The following IQSEC1 variants were observed in gnomAD, a reference collection of about 807,000 sequenced individuals.
IQSEC1 encodes the protein IQ motif and Sec7 domain ArfGEF 1, also known as IQ motif and SEC7 domain-containing protein 1.
Under a neutral mutation model 91.0 loss-of-function variants are expected in IQSEC1, and 31 were observed. That is an observed-to-expected ratio of 0.34 (90% CI 0.26 to 0.46). The LOEUF is 0.46. Among genes scored for constraint, IQSEC1 ranks in the 20% least tolerant of loss-of-function variants. The pLI, the probability that IQSEC1 is intolerant of heterozygous loss-of-function variation, is 1.00. For synonymous variants in IQSEC1, 699 were observed against 662.6 expected (o/e 1.05, Z -0.84); for missense variants, 1,388 against 1,575.6 (o/e 0.88, Z 2.02).
intron 10 of IQSEC1, among the ~76,000 whole-genome samples, chr3:12,910,717 A>G (rs948630850): frequency 6.6e-6 from 1 of 152,216 alleles, no homozygotes. Flanking sequence ...AGAGCCCCAG[A>G]TCCAGGCGCA....
At chr3:13,056,467 T>A (rs989526017) in intron 1 of IQSEC1, among the ~76,000 whole-genome samples, 1 of 152,280 alleles carries the variant, frequency 6.6e-6, no homozygotes, top group East Asian at 1.9e-4. Context: ...TGACAGGATC[T>A]CATTTAATCC....
chr3:13,129,641 G>A (rs949598103), intron 2 of IQSEC1, among the ~76,000 whole-genome samples: 4 of 147,280 alleles, frequency 2.7e-5, no homozygotes, highest in Admixed American at 1.4e-4. Flanking sequence ...TACTGCTTTA[G>A]TAACATCTTA....
chr3:13,067,264 G>A (rs902788015), intron 1 of IQSEC1, among the ~76,000 whole-genome samples: 2 of 152,334 alleles, frequency 1.3e-5, no homozygotes, highest in South Asian at 4.1e-4. Context: ...GAGCGGGAAG[G>A]GCAGACGGGG....
intron 1 of IQSEC1, chr3:13,015,668 C>G: frequency 2.0e-6 from 2 of 985,252 alleles, no homozygotes; most frequent in Non-Finnish European, 2.4e-6. Context: ...GGGTCCATCC[C>G]CACAGCAGGT....
intron 2 of IQSEC1, among the ~76,000 whole-genome samples, chr3:13,099,578 C>G (rs965466447): frequency 2.0e-5 from 3 of 152,116 alleles, no homozygotes; most frequent in African/African-American, 7.2e-5. Context: ...GAAACGCAAG[C>G]CAGAGTGTGC....
intron 1 of IQSEC1, among the ~76,000 whole-genome samples, chr3:12,985,668 G>C (rs1229397501): frequency 1.3e-5 from 2 of 152,196 alleles, no homozygotes; most frequent in African/African-American, 4.8e-5. Flanking sequence ...AGAGTGGGGG[G>C]GGTCACTGGA....
chr3:13,249,870 AC>A (rs1311382711), intron 1 of IQSEC1, among the ~76,000 whole-genome samples: 1 of 151,956 alleles, frequency 6.6e-6, no homozygotes, highest in Middle Eastern at 3.2e-3. Context: ...CCATGTGAAG[AC>A]CCCCACAGGT....
At chr3:13,149,335 G>A (rs1309786614) in intron 2 of IQSEC1, among the ~76,000 whole-genome samples, 1 of 149,746 alleles carries the variant, frequency 6.7e-6, no homozygotes, top group Non-Finnish European at 1.5e-5. Context: ...GTCCTGAAGA[G>A]CAGACCTCCT....
At position 12,901,346 on chromosome 3, in the gene IQSEC1, G is replaced by GGGT; in HGVS notation, c.2979_2981dup (p.Pro995dup). 6.5e-7 allele frequency: 1 copy of GGGT among 1,530,162 alleles called. No homozygotes were observed. Among genetic ancestry groups the GGGT allele is most frequent in the Non-Finnish European group, 8.8e-7 (1 of 1,135,576 alleles). 94.8% of individuals were successfully genotyped at this position (1,530,162 alleles called of 1,614,324 possible). A position where few individuals can be genotyped will look rare whatever the true frequency, so the allele number is the denominator to read the frequency against. On this transcript the variant is annotated inframe_insertion, in exon 14 of 14. Coordinates refer to ENST00000613206, the MANE Select transcript of IQSEC1 (RefSeq NM_001134382.3). ...GAGGCAGGACCACCGGTGGGTGGGG[G>GGGT]GGTGGCAGGGCTGGGGCTGAGGGCA...
At chr3:12,938,652 C>T (rs1288954245) in intron 2 of IQSEC1, among the ~76,000 whole-genome samples, 1 of 152,148 alleles carries the variant, frequency 6.6e-6, no homozygotes, top group Non-Finnish European at 1.5e-5. Flanking sequence ...CCATAAGAGG[C>T]CCAAGGCTGG....
rs1026276745 is a variant in IQSEC1 at position 13,082,416 on chromosome 3, G to A, written c.303-34894C>T. ...GGGGAGGAAGGCGCAGGCCTGGACC[G>A]CTACAATGGCTGGGGTGCTGAAGTC... On this transcript the variant is annotated intron_variant, in intron 2 of 15. Transcript: ENST00000648114. Among the ~76,000 whole-genome samples the A allele has an allele frequency of 3.9e-5, 6 of 152,328 alleles. No homozygotes were observed. The East Asian group carries it at 1.2e-3, about 29-fold the overall frequency.
chr3:13,152,174 C>T (rs1000490992), intron 2 of IQSEC1, among the ~76,000 whole-genome samples: 2 of 152,124 alleles, frequency 1.3e-5, no homozygotes, highest in African/African-American at 2.4e-5. Flanking sequence ...TCTTGGAAAA[C>T]GTATGCGGCA....
chr3:12,924,561 C>T lies in IQSEC1; in HGVS notation c.1730+20G>A, dbSNP rs762946211. 5.8e-6 allele frequency: 9 copies of T among 1,562,622 alleles called. No homozygotes were observed. The highest frequency in any genetic ancestry group is 7.0e-6 in the Non-Finnish European group (8 of 1,147,762). On this transcript the variant is annotated intron_variant, in intron 4 of 13. Coordinates refer to ENST00000613206, the MANE Select transcript of IQSEC1 (RefSeq NM_001134382.3). This position sits in a 1 kb window ranked among gnomAD's most constrained non-coding sequence, Gnocchi z 6.3. ...GCGTGTGTGGAATCAGGTCCCCCAC[C>T]ACCCCCATGCAGAACTTACTCGAGC...
rs1250017866 is a variant in IQSEC1, at chr3:12,983,762, G to T, written c.24-41897C>A. ...TCTCCCCTCTGGACAGCTCCGTGAGGATAAGAATAAGGTTGTCCGACATAC... is the reference window on the plus strand; with the variant it reads ...TCTCCCCTCTGGACAGCTCCGTGAGTATAAGAATAAGGTTGTCCGACATAC... On this transcript the variant is annotated intron_variant, in intron 1 of 13. Transcript: ENST00000613206. The surrounding 1 kb of genome is among the most constrained non-coding windows in gnomAD (Gnocchi z 4.3). 4.6e-5 allele frequency among the ~76,000 whole-genome samples: 7 copies of T among 152,178 alleles called. No homozygotes were observed. Among genetic ancestry groups the T allele is most frequent in the Non-Finnish European group, 2.9e-5 (2 of 68,030 alleles).
chr3:13,116,391 T>G (rs1465020037), intron 2 of IQSEC1, among the ~76,000 whole-genome samples: 2 of 152,178 alleles, frequency 1.3e-5, no homozygotes, highest in Non-Finnish European at 2.9e-5. Context: ...TGTGGCTGTG[T>G]TTTAATAAAA....
chr3:13,128,918 A>G (rs1388630914), intron 2 of IQSEC1, among the ~76,000 whole-genome samples: 1 of 151,172 alleles, frequency 6.6e-6, no homozygotes, highest in Non-Finnish European at 1.5e-5. Context: ...ATCTAGGTTA[A>G]TGAGGAATTC....
intron 1 of IQSEC1, among the ~76,000 whole-genome samples, chr3:13,045,370 G>A (rs1704455385): frequency 2.0e-5 from 3 of 152,188 alleles, no homozygotes; most frequent in Admixed American, 2.0e-4. Flanking sequence ...GAAGGCAGCA[G>A]GACTGCTCAA....
chr3:13,277,374 A>C (rs1316783889), intron 1 of IQSEC1, among the ~76,000 whole-genome samples: 1 of 152,174 alleles, frequency 6.6e-6, no homozygotes, highest in Non-Finnish European at 1.5e-5. Context: ...CGTCGGAAAC[A>C]AGTAGGTCCC....
chr3:13,102,475 T>A (rs2124834657), intron 2 of IQSEC1, among the ~76,000 whole-genome samples: 1 of 152,014 alleles, frequency 6.6e-6, no homozygotes, highest in Non-Finnish European at 1.5e-5. Context: ...GCCCATGGTT[T>A]CCTTCTCTGA....
Sources: allele counts gnomAD v4.1 joint callset (sites outside exome capture counted in the v4.1 genomes callset), GRCh38; gene constraint gnomAD v4.1.1; non-coding constraint Gnocchi (gnomAD v3.1); transcripts MANE v1.5; gene names NCBI Gene and HGNC (gene_info 2026-07-23, HGNC 2026-07-21).